Variants in USF3 observed in about 807,000 individuals in gnomAD.
The protein encoded by USF3 is upstream transcription factor family member 3.
USF3 carries 29 observed loss-of-function variants against 157.5 expected under a neutral mutation model. That is an observed-to-expected ratio of 0.18 (90% CI 0.14 to 0.25). USF3 has a LOEUF of 0.25. Ranked by LOEUF, USF3 falls within the 10% of genes least tolerant of loss-of-function variation. USF3 has a pLI of 1.00. For missense variants in USF3, 2,381 were observed against 2,667.6 expected, an observed-to-expected ratio of 0.89 and a Z score of 2.37; for synonymous variants, 893 against 941.4, an observed-to-expected ratio of 0.95 and a Z score of 0.94.
intron 5 of USF3, among the ~76,000 whole-genome samples, chr3:113,665,898 T>C (rs1947557734): frequency 6.7e-6 from 1 of 149,830 alleles, no homozygotes; most frequent in Admixed American, 6.7e-5. Flanking sequence ...AAAATATATC[T>C]TGGCGGCCGG....
chr3:113,684,875 G>A (rs1226014682), intron 1 of USF3, among the ~76,000 whole-genome samples: 1 of 152,072 alleles, frequency 6.6e-6, no homozygotes, highest in Non-Finnish European at 1.5e-5. Context: ...CATTCAGTGA[G>A]GTCATGTTTT....
At chr3:113,686,267 G>A (rs1227429501) in intron 1 of USF3, among the ~76,000 whole-genome samples, 3 of 152,144 alleles carry the variant, frequency 2.0e-5, no homozygotes, top group Non-Finnish European at 4.4e-5. Context: ...CTGTGACAGA[G>A]CAACACTGAA....
At chr3:113,665,469 T>C (rs1947549402) in intron 5 of USF3, among the ~76,000 whole-genome samples, 1 of 152,252 alleles carries the variant, frequency 6.6e-6, no homozygotes, top group Non-Finnish European at 1.5e-5. Flanking sequence ...AAAAAGATTG[T>C]ACGTTATGTT....
Position 113,688,923 on chromosome 3 carries a change from C to T in USF3, c.-135+7447G>A, listed in dbSNP as rs551119613. Among the ~76,000 whole-genome samples the T allele has an allele frequency of 1.1e-4, 16 of 152,056 alleles. No homozygotes were observed. In the East Asian group the frequency reaches 2.1e-3, roughly 20 times the overall value. On this transcript the variant is annotated intron_variant, in intron 1 of 6. Coordinates refer to ENST00000316407, the MANE Select transcript of USF3 (RefSeq NM_001009899.4). ...GCGGGAGCCTGTAGTCCCAGCTACT[C>T]GGGAGGCTGAGGCCGGAGAATGGTA... is the stretch of plus-strand genomic sequence containing the variant.
Position 113,654,953 on chromosome 3 carries a change from T to C in USF3, c.6729A>G (p.Ser2243=). The part of the protein sequence containing the change: ...ISHILGHDCS[S]AV ...TTTTGTTTATCAGTATTTAAACAGC[T>C]GAACTGCAATCATGACCTAGAATAT... Residue 2243 remains serine (S), a synonymous_variant, in exon 7 of 7, where the codon TCA becomes TCG. Transcript: ENST00000316407. 6.2e-7 allele frequency: 1 copy of C among 1,607,804 alleles called. No homozygotes were observed. The highest frequency in any genetic ancestry group is 8.5e-7 in the Non-Finnish European group (1 of 1,176,348).
chr3:113,672,647 C>G (rs1707186334), intron 4 of USF3, among the ~76,000 whole-genome samples: 1 of 152,062 alleles, frequency 6.6e-6, no homozygotes, highest in South Asian at 2.1e-4. Context: ...CTTTTTACCC[C>G]CTGCAGAAAA....
chr3:113,692,252 C>G (rs942368038), intron 1 of USF3, among the ~76,000 whole-genome samples: 1 of 152,164 alleles, frequency 6.6e-6, no homozygotes, highest in Non-Finnish European at 1.5e-5. Flanking sequence ...CATCCTAATA[C>G]TCCACAATGT....
In USF3 at chr3:113,657,447, G is replaced by A. The variant is rs1466059174; in HGVS notation, c.4235C>T (p.Ala1412Val). 1.2e-6 allele frequency: 2 copies of A among 1,614,032 alleles called. No individual in the cohort carries two copies. Among genetic ancestry groups the A allele is most frequent in the Admixed American group, 1.7e-5 (1 of 60,002 alleles). Residue 1412 changes from alanine (A) to valine (V), a missense_variant, in exon 7 of 7, where the codon GCA becomes GTA. This residue lies in a region of USF3 where 1,435 missense variants were observed against 1,550.9 expected (regional missense o/e 0.93). Coordinates refer to ENST00000316407, the MANE Select transcript of USF3 (RefSeq NM_001009899.4). The part of the protein sequence containing the change: ...FPPSNNFVTP[A>V]LRQTEVQCGS... ...ACACTGAACTTCAGTTTGCCTCAAT[G>A]CAGGAGTCACAAAGTTGTTACTAGG...
At position 113,656,641 on chromosome 3, in the gene USF3, A is replaced by T; in HGVS notation, c.5041T>A (p.Ser1681Thr). Residue 1681 changes from serine (S) to threonine (T), a missense_variant, in exon 7 of 7, where the codon TCA (serine) becomes ACA (threonine). By Grantham distance (58) the Ser-to-Thr change is moderately conservative. Transcript: ENST00000316407. ...ATTGATATCCCCATTCTCTGCTCTG[A>T]ATTAGAAGATGTCTTTCCAATGAGT... Reference protein sequence around the residue: ...EALIGKTSSNSEQRMGISIQG... With the variant: ...EALIGKTSSNTEQRMGISIQG... 1.2e-6 allele frequency: 2 copies of T among 1,614,228 alleles called. No individual in the cohort carries two copies. Among genetic ancestry groups the T allele is most frequent in the Non-Finnish European group, 1.7e-6 (2 of 1,180,042 alleles).
Position 113,672,537 on chromosome 3 carries a change from G to A in USF3, c.76+811C>T, listed in dbSNP as rs148941948. On this transcript the variant is annotated intron_variant, in intron 4 of 6. Transcript: ENST00000316407. ...CAAAAAAAAATCAAAGCAATAAACT[G>A]TGCTTACCTTTCCTCTGAATTCTCT... is the stretch of plus-strand genomic sequence containing the variant. Among the ~76,000 whole-genome samples, 757 of 152,062 alleles carry A rather than the reference G, an allele frequency of 5.0e-3. 7 individuals carry two copies. Among genetic ancestry groups the A allele is most frequent in the African/African-American group, 0.017 (724 of 41,464 alleles).
chr3:113,691,386 T>G (rs1209756731), intron 1 of USF3, among the ~76,000 whole-genome samples: 4 of 152,210 alleles, frequency 2.6e-5, no homozygotes. Flanking sequence ...ACCTGACTTT[T>G]ATTCCTAAAA....
Position 113,658,153 on chromosome 3 carries a change from T to G in USF3, c.3529A>C (p.Lys1177Gln). 6.2e-7 allele frequency: 1 copy of G among 1,614,194 alleles called. No individual in the cohort carries two copies. The highest frequency in any genetic ancestry group is 8.5e-7 in the Non-Finnish European group (1 of 1,180,036). The part of the protein sequence containing the change: ...ASLLEGDPPF[K>Q]SQIPKESGTG... The stretch of plus-strand genomic sequence containing the variant: ...CCACTCTCTTTAGGTATCTGTGATT[T>G]GAAGGGTGGGTCTCCCTCTAACAAT... The change falls in exon 7 of 7, where the codon AAA (lysine) becomes CAA (glutamine). Residue 1177 changes from lysine to glutamine, a missense_variant. Physicochemically the swap from Lys to Gln is moderately conservative, Grantham distance 53. Coordinates refer to ENST00000316407, the MANE Select transcript of USF3 (RefSeq NM_001009899.4).
At chr3:113,691,515 C>G (rs1482341373) in intron 1 of USF3, among the ~76,000 whole-genome samples, 2 of 152,198 alleles carry the variant, frequency 1.3e-5, no homozygotes, top group Non-Finnish European at 2.9e-5. Context: ...GAGATCTTCT[C>G]TGTCCCATTC....
rs890227422 is a variant in USF3 at position 113,651,494 on chromosome 3, T to G, written c.*3450A>C. On this transcript the variant is annotated 3_prime_UTR_variant, in exon 7 of 7. Coordinates refer to ENST00000316407, the MANE Select transcript of USF3 (RefSeq NM_001009899.4). ...CAGCTTCCCTGAGCCCTATTTCACA[T>G]GGAGCAGGCCAAGAATAAGGTTACG... 1 of 152,210 alleles carries G rather than the reference T, an allele frequency of 6.6e-6. No individual in the cohort carries two copies. The highest frequency in any genetic ancestry group is 2.4e-5 in the African/African-American group (1 of 41,456). The allele number at this position is 152,210 out of a possible 1,614,324, so 9.4% of individuals were successfully genotyped here.
Position 113,658,442 on chromosome 3 carries a change from G to A in USF3, c.3240C>T (p.Asn1080=), listed in dbSNP as rs373155046. The part of the protein sequence containing the change: ...DQEVINGSLI[N]GRQADSPMST... ...ACATGGGAGAGTCGGCCTGTCTACC[G>A]TTGATCAAAGAACCATTAATAACCT... Residue 1080 remains asparagine (N), a synonymous_variant, in exon 7 of 7, where the codon AAC becomes AAT. Coordinates refer to ENST00000316407, the MANE Select transcript of USF3 (RefSeq NM_001009899.4). The A allele has an allele frequency of 6.9e-5, 112 of 1,613,954 alleles. No homozygotes were observed. Among genetic ancestry groups the A allele is most frequent in the African/African-American group, 1.3e-4 (10 of 74,908 alleles).
chr3:113,657,425 C>A lies in USF3; in HGVS notation c.4257G>T (p.Gln1419His), dbSNP rs746826491. The A allele has an allele frequency of 5.0e-5, 80 of 1,614,018 alleles. No individual in the cohort carries two copies. The highest frequency in any genetic ancestry group is 6.7e-5 in the Non-Finnish European group (79 of 1,180,034). The change falls in exon 7 of 7, where the codon CAG becomes CAT. Residue 1419 changes from glutamine (Q) to histidine (H), a missense_variant. Around this residue, in one of 6 missense-constraint regions of USF3, gnomAD observed 1,435 missense variants for 1,550.9 expected, o/e 0.93. Transcript: ENST00000316407. Reference protein sequence around the residue: ...VTPALRQTEVQCGSQPSVAEQ... With the variant: ...VTPALRQTEVHCGSQPSVAEQ... ...CAGCAACTGAAGGCTGAGAACCACACTGAACTTCAGTTTGCCTCAATGCAG... is the reference window on the plus strand; with the variant it reads ...CAGCAACTGAAGGCTGAGAACCACAATGAACTTCAGTTTGCCTCAATGCAG...
intron 1 of USF3, among the ~76,000 whole-genome samples, chr3:113,685,523 C>T (rs1212974174): frequency 2.0e-5 from 3 of 152,044 alleles, no homozygotes; most frequent in Non-Finnish European, 4.4e-5. Context: ...CTACTTGGTG[C>T]TTTATTTTAT....
intron 3 of USF3, among the ~76,000 whole-genome samples, chr3:113,674,628 C>A (rs1416757103): frequency 6.6e-6 from 1 of 152,244 alleles, no homozygotes; most frequent in African/African-American, 2.4e-5. Context: ...TAGGCGTGAG[C>A]CACCACACCC....
In USF3 at chr3:113,657,100, C is replaced by T. The variant is rs1381392722; in HGVS notation, c.4582G>A (p.Val1528Ile). 1.2e-6 allele frequency: 2 copies of T among 1,614,108 alleles called. No individual in the cohort carries two copies. Among genetic ancestry groups the T allele is most frequent in the Non-Finnish European group, 1.7e-6 (2 of 1,180,020 alleles). Residue 1528 changes from valine to isoleucine, a missense_variant, in exon 7 of 7, where the codon GTT becomes ATT. This residue lies in a region of USF3 where 50 missense variants were observed against 79.7 expected (regional missense o/e 0.63). Transcript: ENST00000316407. ...AGCTGAGAGGTCTGGGTGCCCTGAACAAGATTCCTCTTTTTCTGCATCTGA... is the reference window on the plus strand; with the variant it reads ...AGCTGAGAGGTCTGGGTGCCCTGAATAAGATTCCTCTTTTTCTGCATCTGA... ...EVQMQKKRNL[V>I]QGTQTSQLSL...
Sources: allele counts gnomAD v4.1 joint callset (sites outside exome capture counted in the v4.1 genomes callset), GRCh38; gene constraint gnomAD v4.1.1; regional missense constraint gnomAD v4.1.1; transcripts MANE v1.5; gene names NCBI Gene and HGNC (gene_info 2026-07-23, HGNC 2026-07-21).